Variants in CIAO2A observed in about 807,000 individuals in gnomAD.
CIAO2A encodes MIP18 family protein FAM96A.
Under a neutral mutation model 22.4 loss-of-function variants are expected in CIAO2A, and 17 were observed. That is an observed-to-expected ratio of 0.76 (90% CI 0.52 to 1.14). The LOEUF is 1.14. Among genes scored for constraint, CIAO2A ranks in the 50% most tolerant of loss-of-function variants. The pLI is 0.00. For synonymous variants in CIAO2A, 74 were observed against 72.3 expected, an observed-to-expected ratio of 1.02 and a Z score of -0.12; for missense variants, 192 against 191.4, an observed-to-expected ratio of 1.00 and a Z score of -0.02.
chr15:64,079,207 T>A (rs1439363667), intron 3 of CIAO2A, among the ~76,000 whole-genome samples: 1 of 152,050 alleles, frequency 6.6e-6, no homozygotes, highest in East Asian at 1.9e-4. Context: ...AGGACTGATA[T>A]CATGGAAAAT....
At chr15:64,080,629 C>G (rs1367210146) in intron 3 of CIAO2A, among the ~76,000 whole-genome samples, 1 of 152,156 alleles carries the variant, frequency 6.6e-6, no homozygotes, top group Admixed American at 6.5e-5. Flanking sequence ...TTGCAGTAAG[C>G]TGAGATGGCG....
At chr15:64,089,352 C>T (rs1482125651) in intron 1 of CIAO2A, among the ~76,000 whole-genome samples, 6 of 151,936 alleles carry the variant, frequency 3.9e-5, no homozygotes, top group African/African-American at 9.7e-5. Flanking sequence ...ATGAGACCCC[C>T]GTCTCTACAA....
chr15:64,081,787 C>T (rs1270603091), intron 2 of CIAO2A, among the ~76,000 whole-genome samples: 3 of 152,066 alleles, frequency 2.0e-5, no homozygotes, highest in Non-Finnish European at 4.4e-5. Flanking sequence ...GATCCGCCTG[C>T]CTTAGCCTTC....
At chr15:64,082,563 T>C (rs1028697019) in intron 2 of CIAO2A, among the ~76,000 whole-genome samples, 4 of 152,146 alleles carry the variant, frequency 2.6e-5, no homozygotes, top group Admixed American at 6.5e-5. Context: ...CTATAATAAA[T>C]ATTAGAGAAT....
chr15:64,083,059 A>G (rs1192699580), intron 2 of CIAO2A, among the ~76,000 whole-genome samples: 1 of 150,026 alleles, frequency 6.7e-6, no homozygotes, highest in Non-Finnish European at 1.5e-5. Flanking sequence ...AATAATAATA[A>G]TAATAAAACT....
intron 3 of CIAO2A, 101 bp from the exon 4 acceptor site, chr15:64,075,638 G>A (rs948097603): frequency 1.3e-5 from 8 of 614,740 alleles, no homozygotes; most frequent in Non-Finnish European, 2.1e-5. Flanking sequence ...AGGGATGAGT[G>A]CCCAAATCCT....
chr15:64,082,519 C>T (rs1323593608), intron 2 of CIAO2A, among the ~76,000 whole-genome samples: 2 of 152,134 alleles, frequency 1.3e-5, no homozygotes, highest in South Asian at 2.1e-4. Context: ...TGAGCCACCG[C>T]GCCCGACCTT....
In CIAO2A at chr15:64,081,117, T is replaced by C. The variant is rs2080756235; in HGVS notation, c.324A>G (p.Leu108=). 1 of 1,613,578 alleles carries C rather than the reference T, an allele frequency of 6.2e-7. No individual in the cohort carries two copies. Among genetic ancestry groups the C allele is most frequent in the South Asian group, 1.1e-5 (1 of 90,924 alleles). The part of the protein sequence containing the change: ...LCLRVKLQRC[L]PFKHKLEIYI... ...TCTTTCTTACCTTATGTTTAAATGG[T>C]AAACATCGCTGAAGTTTTACTCTTA... The change falls in exon 3 of 5, where the codon TTA becomes TTG. Residue 108 remains leucine, a synonymous_variant. Transcript: ENST00000300030.
At chr15:64,084,813 TCAGGCGCGGTGGCTCA>T (rs2080781326) in intron 2 of CIAO2A, among the ~76,000 whole-genome samples, 1 of 150,712 alleles carries the variant, frequency 6.6e-6, no homozygotes, top group Non-Finnish European at 1.5e-5. Flanking sequence ...AGTTGTTCGG[TCAGGCGCGGTGGCTCA>T]CACCTGTAAT....
intron 3 of CIAO2A, among the ~76,000 whole-genome samples, chr15:64,077,291 C>T (rs1049784053): frequency 7.4e-6 from 1 of 134,690 alleles, no homozygotes; most frequent in Admixed American, 7.8e-5. Context: ...GAGCGAGACT[C>T]CGTCTCAACA....
intron 2 of CIAO2A, among the ~76,000 whole-genome samples, chr15:64,084,587 T>C (rs1211656852): frequency 6.6e-6 from 1 of 151,998 alleles, no homozygotes; most frequent in African/African-American, 2.4e-5. Flanking sequence ...CTGACCAACA[T>C]AGAGAAACCA....
chr15:64,083,893 A>C (rs1478866824), intron 2 of CIAO2A, among the ~76,000 whole-genome samples: 1 of 151,338 alleles, frequency 6.6e-6, no homozygotes, highest in Non-Finnish European at 1.5e-5. Flanking sequence ...CAGTAAGCCA[A>C]GACAGCACCA....
chr15:64,089,162 C>T (rs2080820326), intron 1 of CIAO2A, among the ~76,000 whole-genome samples: 1 of 152,124 alleles, frequency 6.6e-6, no homozygotes, highest in Non-Finnish European at 1.5e-5. Context: ...GGTTATCAGG[C>T]TTTATAGGAG....
In CIAO2A at chr15:64,073,015, T is replaced by G. The variant is rs769479940; in HGVS notation, c.399A>C (p.Ile133=). 2.3e-5 allele frequency: 37 copies of G among 1,612,694 alleles called. No individual in the cohort carries two copies. Among genetic ancestry groups the G allele is most frequent in the Admixed American group, 8.3e-5 (5 of 59,956 alleles). ...CAGCTGCCACTCGCTCTTTGTCATTTATCTGCTTATTGACTGAAAAATACA... is the reference window on the plus strand; with the variant it reads ...CAGCTGCCACTCGCTCTTTGTCATTGATCTGCTTATTGACTGAAAAATACA... ...HSTEEDINKQ[I]NDKERVAAAM... Residue 133 remains isoleucine, a synonymous_variant, in exon 5 of 5, where the codon ATA becomes ATC. Coordinates refer to ENST00000300030, the MANE Select transcript of CIAO2A (RefSeq NM_032231.7).
At chr15:64,092,048 A>G (rs2080843298) in intron 1 of CIAO2A, among the ~76,000 whole-genome samples, 1 of 132,158 alleles carries the variant, frequency 7.6e-6, no homozygotes, top group Admixed American at 8.3e-5. Flanking sequence ...TGATTACCAG[A>G]GTGAGACCCT....
chr15:64,072,683 C>A lies in CIAO2A; in HGVS notation c.*248G>T. 1 of 316,242 alleles carries A rather than the reference C, an allele frequency of 3.2e-6. No individual in the cohort carries two copies. The highest frequency in any genetic ancestry group is 1.2e-4 in the South Asian group (1 of 8,678). The allele number at this position is 316,242 out of a possible 1,614,324, so 19.6% of individuals were successfully genotyped here. On this transcript the variant is annotated 3_prime_UTR_variant, in exon 5 of 5. Coordinates refer to ENST00000300030, the MANE Select transcript of CIAO2A (RefSeq NM_032231.7). ...AGAATGAGCATCAGAAAAATAGCAA[C>A]TCATCTTGCACATAATAACTAGAAA...
At chr15:64,079,395 T>C (rs2080744191) in intron 3 of CIAO2A, among the ~76,000 whole-genome samples, 2 of 152,024 alleles carry the variant, frequency 1.3e-5, no homozygotes, top group Admixed American at 1.3e-4. Context: ...TAAGAAAAAA[T>C]TAGCCAGGCA....
intron 3 of CIAO2A, 108 bp downstream of exon 3, chr15:64,080,994 A>C (rs1003249958): frequency 3.7e-6 from 4 of 1,088,840 alleles, no homozygotes; most frequent in Non-Finnish European, 5.3e-6. Flanking sequence ...GACAAGCAAA[A>C]ACCACTGAAT....
At chr15:64,084,572 C>T (rs2080779270) in intron 2 of CIAO2A, among the ~76,000 whole-genome samples, 1 of 151,974 alleles carries the variant, frequency 6.6e-6, no homozygotes, top group African/African-American at 2.4e-5. Flanking sequence ...GAGTTAGAGA[C>T]CAGCCTGACC....
Sources: allele counts gnomAD v4.1 joint callset (sites outside exome capture counted in the v4.1 genomes callset), GRCh38; gene constraint gnomAD v4.1.1; transcripts MANE v1.5; gene names NCBI Gene and HGNC (gene_info 2026-07-23, HGNC 2026-07-21).